The following DYNC1H1 variants were observed in gnomAD, a reference collection of about 807,000 sequenced individuals.
DYNC1H1 encodes cytoplasmic dynein 1 heavy chain 1.
In DYNC1H1, 51 loss-of-function variants were observed where a neutral mutation model predicts 527.1. The observed-to-expected ratio is 0.10, with a 90% CI of 0.08 to 0.12. The LOEUF is 0.12. Among genes scored for constraint, DYNC1H1 ranks in the 10% least tolerant of loss-of-function variants. The pLI is 1.00. For synonymous variants in DYNC1H1, 2,189 were observed against 2,278.8 expected (o/e 0.96, Z 1.12); for missense variants, 2,771 against 5,971.8 (o/e 0.46, Z 17.66).
At chr14:101,973,570 GGC>G (rs2141265332) in intron 1 of DYNC1H1, among the ~76,000 whole-genome samples, 1 of 152,284 alleles carries the variant, frequency 6.6e-6, no homozygotes. Flanking sequence ...GCCAGGCCGA[GGC>G]ATGAGGATCT....
chr14:101,979,662 G>C lies in DYNC1H1; in HGVS notation c.519-57G>C. On this transcript the variant is annotated intron_variant, in intron 3 of 77. Coordinates refer to ENST00000360184, the MANE Select transcript of DYNC1H1 (RefSeq NM_001376.5). This position sits in a 1 kb window ranked among gnomAD's most constrained non-coding sequence, Gnocchi z 4.6. ...ACTATTTGACAGACCTGAAATGATG[G>C]GATCTCTTTGGAGACCAATAGCACA... 1.2e-6 allele frequency: 2 copies of C among 1,612,022 alleles called. No homozygotes were observed. The highest frequency in any genetic ancestry group is 1.7e-6 in the Non-Finnish European group (2 of 1,179,690).
chr14:101,985,670 A>T lies in DYNC1H1; in HGVS notation c.1462-17A>T. On this transcript the variant is annotated splice_polypyrimidine_tract_variant and intron_variant, in intron 7 of 77. Transcript: ENST00000360184. This position sits in a 1 kb window ranked among gnomAD's most constrained non-coding sequence, Gnocchi z 5.9. ...CGTTTGGTCAGCATTTCTTGATTAC[A>T]TATCTTTCTCCTTTAGGTCACGGCA... is the stretch of plus-strand genomic sequence containing the variant. The T allele has an allele frequency of 6.2e-7, 1 of 1,613,840 alleles. No homozygotes were observed. Among genetic ancestry groups the T allele is most frequent in the Non-Finnish European group, 8.5e-7 (1 of 1,179,734 alleles).
intron 77 of DYNC1H1, 68 bp from the exon 78 acceptor site, chr14:102,050,367 G>C: frequency 6.2e-7 from 1 of 1,613,680 alleles, no homozygotes; most frequent in Non-Finnish European, 8.5e-7. Context: ...CCCATCAGCT[G>C]TCCCGGGCAG....
In DYNC1H1 at chr14:102,055,103, C is replaced by T. The variant is rs1039431917; in HGVS notation, c.*4540C>T. The T allele has an allele frequency of 1.3e-5, 2 of 152,180 alleles. No individual in the cohort carries two copies. Among genetic ancestry groups the T allele is most frequent in the African/African-American group, 2.4e-5 (1 of 41,426 alleles). The allele number at this position is 152,180 out of a possible 1,614,324, so 9.4% of individuals were successfully genotyped here. A position where few individuals can be genotyped will look rare whatever the true frequency, so the allele number is the denominator to read the frequency against. Reference sequence around the variant, plus strand: ...CCTAGCCCAGGTCAAAGTGGGCCTTCGGGAGGACCCTGGAGGAGAAGCCCC... The same window carrying T: ...CCTAGCCCAGGTCAAAGTGGGCCTTTGGGAGGACCCTGGAGGAGAAGCCCC... On this transcript the variant is annotated 3_prime_UTR_variant, in exon 78 of 78. Transcript: ENST00000360184.
chr14:101,979,183 T>C lies in DYNC1H1; in HGVS notation c.345-136T>C, dbSNP rs2047834884. The C allele has an allele frequency of 1.2e-6, 1 of 831,708 alleles. No homozygotes were observed. The highest frequency in any genetic ancestry group is 1.9e-6 in the Non-Finnish European group (1 of 530,852). 51.5% of individuals were successfully genotyped at this position (831,708 alleles called of 1,614,324 possible). A position where few individuals can be genotyped will look rare whatever the true frequency, so the allele number is the denominator to read the frequency against. On this transcript the variant is annotated intron_variant, in intron 2 of 77. Coordinates refer to ENST00000360184, the MANE Select transcript of DYNC1H1 (RefSeq NM_001376.5). This position sits in a 1 kb window ranked among gnomAD's most constrained non-coding sequence, Gnocchi z 4.6. ...CATAACCTTGATTCAGTAGCTCTCA[T>C]GTACTAAAGAAAGACAAGCAGTGCA...
chr14:102,039,978 T>A lies in DYNC1H1; in HGVS notation c.11690+246T>A, dbSNP rs920759125. On this transcript the variant is annotated intron_variant, in intron 62 of 77. Coordinates refer to ENST00000360184, the MANE Select transcript of DYNC1H1 (RefSeq NM_001376.5). This position sits in a 1 kb window ranked among gnomAD's most constrained non-coding sequence, Gnocchi z 7.0. ...TCAGTCTCCGAAGTAGCTAGGACTA[T>A]AGGCGCAGGCCACCACATCTGGCTA... 2.0e-5 allele frequency among the ~76,000 whole-genome samples: 3 copies of A among 152,146 alleles called. No individual in the cohort carries two copies. The highest frequency in any genetic ancestry group is 4.4e-5 in the Non-Finnish European group (3 of 68,036).
intron 73 of DYNC1H1, 174 bp downstream of exon 73, chr14:102,048,202 GC>G: frequency 1.1e-6 from 1 of 882,038 alleles, no homozygotes; most frequent in Non-Finnish European, 1.7e-6. Context: ...AGATGAGTTG[GC>G]CCTTTTGAAA....
chr14:101,974,864 A>G (rs2047781985), intron 1 of DYNC1H1, among the ~76,000 whole-genome samples: 1 of 152,188 alleles, frequency 6.6e-6, no homozygotes, highest in African/African-American at 2.4e-5. Flanking sequence ...TACTGTGTGC[A>G]TGTTGTATTG....
intron 27 of DYNC1H1, 76 bp from the exon 28 acceptor site, chr14:102,006,931 TG>T (rs761090157): frequency 9.9e-6 from 15 of 1,511,406 alleles, no homozygotes; most frequent in Middle Eastern, 1.7e-4. Flanking sequence ...AGTTGCTTTT[TG>T]TAGTTCTTTT....
At chr14:101,968,212 T>C (rs1208604124) in intron 1 of DYNC1H1, among the ~76,000 whole-genome samples, 2 of 152,206 alleles carry the variant, frequency 1.3e-5, no homozygotes, top group African/African-American at 4.8e-5. Context: ...CTGCCTGGGA[T>C]TGGCTGCTAG....
At chr14:102,007,379 TA>T (rs2048208691) in intron 28 of DYNC1H1, among the ~76,000 whole-genome samples, 1 of 152,242 alleles carries the variant, frequency 6.6e-6, no homozygotes, top group Non-Finnish European at 1.5e-5. Flanking sequence ...ACGACATTTT[TA>T]GTGCCTGTGT....
chr14:102,039,145 T>C lies in DYNC1H1; in HGVS notation c.11351T>C (p.Val3784Ala). ...KREAAEVTRKVEETDIVMQEV... is the reference protein window; with the variant it reads ...KREAAEVTRKAEETDIVMQEV... ...GAGGCTGCAGAGGTCACCAGGAAAG[T>C]TGAGGAGACGGACATTGTCATGCAG... Residue 3784 changes from valine to alanine, a missense_variant, in exon 60 of 78, where the codon GTT becomes GCT. Val to Ala is a moderately conservative substitution (Grantham distance 64, BLOSUM62 0). Coordinates refer to ENST00000360184, the MANE Select transcript of DYNC1H1 (RefSeq NM_001376.5). The surrounding 1 kb of genome is among the most constrained non-coding windows in gnomAD (Gnocchi z 7.0). The C allele has an allele frequency of 1.2e-6, 2 of 1,614,184 alleles. No individual in the cohort carries two copies. The highest frequency in any genetic ancestry group is 1.7e-6 in the Non-Finnish European group (2 of 1,180,020).
chr14:102,027,575 G>A lies in DYNC1H1; in HGVS notation c.9048+31G>A, dbSNP rs186161486. 1.3e-4 allele frequency: 203 copies of A among 1,614,176 alleles called. 1 individual carries two copies. In the African/African-American group the frequency reaches 2.1e-3, roughly 17 times the overall value. ...TAGGTGACGTGTTGCGTTGCATTAC[G>A]TGTTACCGGGGGACCAGTAAGTCAG... On this transcript the variant is annotated intron_variant, in intron 46 of 77. Coordinates refer to ENST00000360184, the MANE Select transcript of DYNC1H1 (RefSeq NM_001376.5). This position sits in a 1 kb window ranked among gnomAD's most constrained non-coding sequence, Gnocchi z 7.7.
chr14:102,029,546 C>G lies in DYNC1H1; in HGVS notation c.9476C>G (p.Ala3159Gly). 6.2e-7 allele frequency: 1 copy of G among 1,614,192 alleles called. No homozygotes were observed. The highest frequency in any genetic ancestry group is 8.5e-7 in the Non-Finnish European group (1 of 1,180,038). ...GTAACTATTTTCTGAAAGGCGAATG[C>G]TCGGCTAGCAAAGCGAGGCGGCAGA... ...FVHQTLHQANARLAKRGGRTM... is the reference protein window; with the variant it reads ...FVHQTLHQANGRLAKRGGRTM... Residue 3159 changes from alanine to glycine, a missense_variant, in exon 49 of 78, where the codon GCT becomes GGT. Around this residue, in one of 32 missense-constraint regions of DYNC1H1, gnomAD observed 67 missense variants for 128.2 expected, o/e 0.52. Transcript: ENST00000360184. This position sits in a 1 kb window ranked among gnomAD's most constrained non-coding sequence, Gnocchi z 5.3.
At chr14:101,992,224 A>G (rs17512159) in intron 11 of DYNC1H1, among the ~76,000 whole-genome samples, 8,081 of 152,272 alleles carry the variant, frequency 0.053, 236 homozygotes, top group Non-Finnish European at 0.057. Flanking sequence ...AACTTCTGCT[A>G]TTGCAGACTC....
rs1414394377 is a variant in DYNC1H1, at chr14:102,044,188, G to A, written c.12685-86G>A. On this transcript the variant is annotated intron_variant, in intron 70 of 77. Transcript: ENST00000360184. The surrounding 1 kb of genome is among the most constrained non-coding windows in gnomAD (Gnocchi z 7.1). ...CAAAGCCTAGCTGGCCATGGGGAGT[G>A]AGGAGGAAAGCTGTGCCCCTCGAAA... 2 of 1,588,694 alleles carry A rather than the reference G, an allele frequency of 1.3e-6. No individual in the cohort carries two copies. Among genetic ancestry groups the A allele is most frequent in the South Asian group, 1.1e-5 (1 of 89,040 alleles).
At chr14:102,009,608 TG>T in intron 29 of DYNC1H1, 1 of 551,194 alleles carries the variant, frequency 1.8e-6, no homozygotes. Flanking sequence ...TCTCTGCCTC[TG>T]GTGGCTTGAC....
chr14:101,985,124 C>G lies in DYNC1H1; in HGVS notation c.1462-563C>G, dbSNP rs1416809768. On this transcript the variant is annotated intron_variant, in intron 7 of 77. Coordinates refer to ENST00000360184, the MANE Select transcript of DYNC1H1 (RefSeq NM_001376.5). The surrounding 1 kb of genome is among the most constrained non-coding windows in gnomAD (Gnocchi z 5.9). ...TCCCTTCCTCCATCTTGGAAGGACC[C>G]TAGAGCCAGACTTCCTGGGTTTTAA... 6.6e-6 allele frequency among the ~76,000 whole-genome samples: 1 copy of G among 151,908 alleles called. No individual in the cohort carries two copies. The highest frequency in any genetic ancestry group is 1.5e-5 in the Non-Finnish European group (1 of 67,994).
chr14:102,012,712 A>G lies in DYNC1H1; in HGVS notation c.7014+242A>G. The G allele has an allele frequency of 1.8e-6, 1 of 561,788 alleles. No homozygotes were observed. Among genetic ancestry groups the G allele is most frequent in the Non-Finnish European group, 3.2e-6 (1 of 316,056 alleles). The allele number at this position is 561,788 out of a possible 1,614,324, so 34.8% of individuals were successfully genotyped here. ...CTATCATTTATTGAGTAATAAGCAC[A>G]CTCTATGATTATCAGTTAACCCTGT... On this transcript the variant is annotated intron_variant, in intron 34 of 77. Coordinates refer to ENST00000360184, the MANE Select transcript of DYNC1H1 (RefSeq NM_001376.5). This position sits in a 1 kb window ranked among gnomAD's most constrained non-coding sequence, Gnocchi z 4.9.
Sources: gnomAD v4.1 joint callset for allele counts (sites outside exome capture counted in the v4.1 genomes callset) on GRCh38, gnomAD v4.1.1 for gene constraint, gnomAD v4.1.1 regional missense constraint, Gnocchi (gnomAD v3.1) non-coding constraint, MANE v1.5 for transcripts, NCBI Gene and HGNC (gene_info 2026-07-23, HGNC 2026-07-21) for gene names.